Variants in PIEZO1 observed in about 807,000 individuals in gnomAD.
PIEZO1 encodes piezo-type mechanosensitive ion channel component 1.
Under a neutral mutation model 297.2 loss-of-function variants are expected in PIEZO1, and 296 were observed. The observed-to-expected ratio is 1.00, with a 90% CI of 0.91 to 1.10. PIEZO1 has a LOEUF of 1.10. Among genes scored for constraint, PIEZO1 ranks in the 50% least tolerant of loss-of-function variants. PIEZO1 has a pLI of 0.00. For missense variants in PIEZO1, 5,018 were observed against 3,455.5 expected, an observed-to-expected ratio of 1.45 and a Z score of -11.34; for synonymous variants, 2,427 against 1,507.5, an observed-to-expected ratio of 1.61 and a Z score of -14.13.
chr16:88,731,762 A>G lies in PIEZO1; in HGVS notation c.3140T>C (p.Leu1047Pro). The change falls in exon 22 of 51, where the codon CTG (leucine) becomes CCG (proline). Residue 1047 changes from leucine (L) to proline (P), a missense_variant. Transcript: ENST00000301015. ...LWPNYCLFLALFLLYQYLLCL... is the reference protein window; with the variant it reads ...LWPNYCLFLAPFLLYQYLLCL... ...CAGCAGGTACTGGTACAGCAGGAACAGCGCCAGGAAGAGGCAGTAGTTGGG... is the reference window on the plus strand; with the variant it reads ...CAGCAGGTACTGGTACAGCAGGAACGGCGCCAGGAAGAGGCAGTAGTTGGG... The G allele has an allele frequency of 6.5e-7, 1 of 1,549,752 alleles. No homozygotes were observed. Among genetic ancestry groups the G allele is most frequent in the South Asian group, 1.2e-5 (1 of 84,028 alleles).
chr16:88,732,206 G>C, intron 21 of PIEZO1, 129 bp downstream of exon 21: 2 of 755,096 alleles, frequency 2.6e-6, no homozygotes, highest in Non-Finnish European at 2.2e-6. Context: ...GCCTGGCCCT[G>C]AGTCCCCCAC....
rs201557219 is a variant in PIEZO1, at chr16:88,721,231, C to T, written c.5603G>A (p.Arg1868His). The change falls in exon 39 of 51, where the codon CGC becomes CAC. Residue 1868 changes from arginine (R) to histidine (H), a missense_variant. Coordinates refer to ENST00000301015, the MANE Select transcript of PIEZO1 (RefSeq NM_001142864.4). ...QVELRPRDTR[R>H]ISLRFRRRKK... ...CCTTCTTCTAAAACGTAGACTGATGCGCCTCGTATCACGGGGCCTGAGCTC... is the reference window on the plus strand; with the variant it reads ...CCTTCTTCTAAAACGTAGACTGATGTGCCTCGTATCACGGGGCCTGAGCTC... 81 of 1,539,628 alleles carry T rather than the reference C, an allele frequency of 5.3e-5. No individual in the cohort carries two copies. Among genetic ancestry groups the T allele is most frequent in the East Asian group, 1.7e-4 (7 of 40,878 alleles).
chr16:88,768,102 G>A (rs1907256279), intron 1 of PIEZO1, among the ~76,000 whole-genome samples: 1 of 150,198 alleles, frequency 6.7e-6, no homozygotes, highest in African/African-American at 2.5e-5. Context: ...CCACAGTCGT[G>A]TCCTGGGGAG....
At chr16:88,722,762 C>T (rs558652974) in intron 34 of PIEZO1, 73 bp from the exon 35 acceptor site, 227 of 1,527,020 alleles carry the variant, frequency 1.5e-4, no homozygotes, top group East Asian at 2.9e-4. Flanking sequence ...GCAGTGGGCG[C>T]GGGACTAGGC....
At chr16:88,725,206 C>T (rs1185555087) in intron 29 of PIEZO1, 126 bp from the exon 30 acceptor site, 14 of 740,898 alleles carry the variant, frequency 1.9e-5, no homozygotes, top group Non-Finnish European at 2.6e-5. Context: ...TGACGGGGGC[C>T]GTGTGGGGCC....
chr16:88,749,253 A>AG, intron 2 of PIEZO1, 131 bp downstream of exon 2: 1 of 589,096 alleles, frequency 1.7e-6, no homozygotes, highest in East Asian at 3.4e-5. Flanking sequence ...AAAAAAAAAA[A>AG]ATTTTATTTC....
At chr16:88,734,114 G>T in intron 16 of PIEZO1, 60 bp from the exon 17 acceptor site, 1 of 1,464,572 alleles carries the variant, frequency 6.8e-7, no homozygotes, top group Non-Finnish European at 9.1e-7. Context: ...ATTTCCTGGG[G>T]CTGGAAGAAG....
Position 88,716,366 on chromosome 16 carries a change from C to A in PIEZO1, c.7044G>T (p.Gln2348His). The A allele has an allele frequency of 6.5e-7, 1 of 1,537,580 alleles. No individual in the cohort carries two copies. Among genetic ancestry groups the A allele is most frequent in the Non-Finnish European group, 8.8e-7 (1 of 1,139,294 alleles). Residue 2348 changes from glutamine to histidine, a missense_variant, in exon 48 of 51, where the codon CAG (glutamine) becomes CAT (histidine). Gln to His is a conservative substitution (Grantham distance 24). Coordinates refer to ENST00000301015, the MANE Select transcript of PIEZO1 (RefSeq NM_001142864.4). ...CACCCGGGCCCTTCACTCACACAGA[C>A]TGGTCCGAGGTGCCCTCGAGCAGGC... ...LASLLEGTSD[Q>H]SVVIPNLFPK... is the part of the protein sequence containing the mutation.
In PIEZO1 at chr16:88,720,512, G is replaced by A. The variant is rs761049480; in HGVS notation, c.5822C>T (p.Pro1941Leu). ...CLSLAQGTYR[P>L]LRRFFHDILH... ...GATGTCGTGGAAGAAGCGCCGTAGC[G>A]GCCGATATGTGCCCTGGGCCCTGCG... Residue 1941 changes from proline (P) to leucine (L), a missense_variant, in exon 41 of 51, where the codon CCG becomes CTG. Pro to Leu is a moderately conservative substitution (Grantham distance 98). Coordinates refer to ENST00000301015, the MANE Select transcript of PIEZO1 (RefSeq NM_001142864.4). The A allele has an allele frequency of 4.7e-5, 73 of 1,550,062 alleles. 1 individual carries two copies. The highest frequency in any genetic ancestry group is 1.7e-4 in the Middle Eastern group (1 of 6,014).
Position 88,727,125 on chromosome 16 carries a change from C to T in PIEZO1, c.3369G>A (p.Glu1123=). ...WQVFSAERTE[E]WQRMAGVNTD... Reference sequence around the variant, plus strand: ...TGTTGACGCCAGCCATGCGCTGCCACTCCTCTGTGCGCTCAGCTGAGAACA... The same window carrying T: ...TGTTGACGCCAGCCATGCGCTGCCATTCCTCTGTGCGCTCAGCTGAGAACA... Residue 1123 remains glutamate (E), a synonymous_variant, in exon 24 of 51, where the codon GAG becomes GAA. Coordinates refer to ENST00000301015, the MANE Select transcript of PIEZO1 (RefSeq NM_001142864.4). The T allele has an allele frequency of 6.5e-7, 1 of 1,549,996 alleles. No individual in the cohort carries two copies. The highest frequency in any genetic ancestry group is 8.7e-7 in the Non-Finnish European group (1 of 1,146,734).
chr16:88,736,599 G>C, intron 11 of PIEZO1, 40 bp downstream of exon 11: 2 of 1,500,534 alleles, frequency 1.3e-6, no homozygotes. Context: ...CACCTGCGCG[G>C]CAGAGGGGGC....
chr16:88,781,155 TCAAGG>T (rs1907916683), intron 1 of PIEZO1, among the ~76,000 whole-genome samples: 2 of 152,122 alleles, frequency 1.3e-5, no homozygotes, highest in African/African-American at 4.8e-5. Context: ...GATGAGGCCG[TCAAGG>T]CCCACGGTGG....
At position 88,721,231 on chromosome 16, in the gene PIEZO1, C is replaced by G. The variant is rs201557219; in HGVS notation, c.5603G>C (p.Arg1868Pro). The G allele has an allele frequency of 6.5e-7, 1 of 1,539,630 alleles. No individual in the cohort carries two copies. Residue 1868 changes from arginine (R) to proline (P), a missense_variant, in exon 39 of 51, where the codon CGC (arginine) becomes CCC (proline). By Grantham distance (103) the Arg-to-Pro change is moderately radical. Coordinates refer to ENST00000301015, the MANE Select transcript of PIEZO1 (RefSeq NM_001142864.4). ...CCTTCTTCTAAAACGTAGACTGATGCGCCTCGTATCACGGGGCCTGAGCTC... is the reference window on the plus strand; with the variant it reads ...CCTTCTTCTAAAACGTAGACTGATGGGCCTCGTATCACGGGGCCTGAGCTC... ...QVELRPRDTRRISLRFRRRKK... is the reference protein window; with the variant it reads ...QVELRPRDTRPISLRFRRRKK...
chr16:88,742,183 T>A, intron 3 of PIEZO1, 88 bp from the exon 4 acceptor site: 1 of 1,509,952 alleles, frequency 6.6e-7, no homozygotes, highest in South Asian at 1.2e-5. Context: ...ACCTGGACCA[T>A]CCAGGCCAGA....
In PIEZO1 at chr16:88,717,098, C is replaced by T. The variant is rs146375771; in HGVS notation, c.6585G>A (p.Ser2195=). Residue 2195 remains serine (S), a synonymous_variant, in exon 45 of 51, where the codon TCG becomes TCA. Transcript: ENST00000301015. ...CAACCCCAACCACGGAGCGCACCAG[C>T]GACATGAAGAGCAGTGGGAACCAGA... The part of the protein sequence containing the change: ...AIIWFPLLFM[S]LVRSVVGVVN... 171 of 1,551,236 alleles carry T rather than the reference C, an allele frequency of 1.1e-4. 1 individual carries two copies. The highest frequency in any genetic ancestry group is 9.6e-4 in the South Asian group (81 of 84,062).
chr16:88,776,243 G>A (rs568793908), intron 1 of PIEZO1, among the ~76,000 whole-genome samples: 2 of 152,338 alleles, frequency 1.3e-5, no homozygotes, highest in East Asian at 3.9e-4. Context: ...GACCATCCTG[G>A]TTAACACGGT....
At chr16:88,774,536 C>T (rs1259710138) in intron 1 of PIEZO1, among the ~76,000 whole-genome samples, 1 of 152,202 alleles carries the variant, frequency 6.6e-6, no homozygotes, top group Non-Finnish European at 1.5e-5. Flanking sequence ...CCAGCAGCAG[C>T]CTGGGCACCT....
chr16:88,726,262 C>T, intron 27 of PIEZO1, 22 bp downstream of exon 27: 2 of 1,537,094 alleles, frequency 1.3e-6, no homozygotes, highest in Non-Finnish European at 1.8e-6. Flanking sequence ...GAGCTCTGGG[C>T]TGTGTCTGGG....
chr16:88,722,949 T>A lies in PIEZO1; in HGVS notation c.4556A>T (p.Gln1519Leu), dbSNP rs767365106. Reference sequence around the variant, plus strand: ...GCGTGTCAGCTCATCCACTAGCGCCTGCCCCAGCATCCACAGGAACTGCGC... The same window carrying A: ...GCGTGTCAGCTCATCCACTAGCGCCAGCCCCAGCATCCACAGGAACTGCGC... Reference protein sequence around the residue: ...STAQFLWMLGQALVDELTRWL... With the variant: ...STAQFLWMLGLALVDELTRWL... The change falls in exon 34 of 51, where the codon CAG becomes CTG. Residue 1519 changes from glutamine to leucine, a missense_variant. By Grantham distance (113) the Gln-to-Leu change is moderately radical. Transcript: ENST00000301015. The A allele has an allele frequency of 6.5e-6, 10 of 1,545,196 alleles. No individual in the cohort carries two copies. The highest frequency in any genetic ancestry group is 8.7e-6 in the Non-Finnish European group (10 of 1,145,076).
Sources: allele counts gnomAD v4.1 joint callset (sites outside exome capture counted in the v4.1 genomes callset), GRCh38; gene constraint gnomAD v4.1.1; transcripts MANE v1.5; gene names NCBI Gene and HGNC (gene_info 2026-07-23, HGNC 2026-07-21).